WDR73: variants seen among roughly 807,000 people sequenced by gnomAD.
WDR73 encodes the protein WD repeat domain 73.
WDR73 carries 30 observed loss-of-function variants against 38.2 expected under a neutral mutation model. The ratio of observed to expected loss-of-function variants is 0.79; its 90% CI spans 0.59 to 1.06. The LOEUF is 1.06. Ranked by LOEUF, WDR73 falls within the 50% of genes least tolerant of loss-of-function variation. The pLI is 0.00. For missense variants in WDR73, 487 were observed against 467.0 expected (o/e 1.04, Z -0.40); for synonymous variants, 197 against 176.0 (o/e 1.12, Z -0.94).
At chr15:84,654,156 C>A in intron 1 of WDR73, 78 bp downstream of exon 1, 3 of 1,589,586 alleles carry the variant, frequency 1.9e-6, no homozygotes, top group Admixed American at 1.7e-5. Flanking sequence ...GGATCCCCAA[C>A]GTGCCTCCAC....
At chr15:84,650,355 TTTTCTTTTTC>T (rs893241435) in intron 3 of WDR73, among the ~76,000 whole-genome samples, 2 of 20,356 alleles carry the variant, frequency 9.8e-5, no homozygotes, top group African/African-American at 8.3e-4. Flanking sequence ...ACCCGGCTAA[TTTTCTTTTTC>T]TTTTTCTTTT....
chr15:84,652,242 C>T (rs949069225), intron 3 of WDR73, among the ~76,000 whole-genome samples: 1 of 152,130 alleles, frequency 6.6e-6, no homozygotes, highest in South Asian at 2.1e-4. Context: ...GTTCTCTTCT[C>T]TTGGCTTCAG....
At chr15:84,653,157 G>T (rs1452913312) in intron 2 of WDR73, 2 of 205,488 alleles carry the variant, frequency 9.7e-6, no homozygotes, top group Admixed American at 1.2e-4. Context: ...CAAGCAATCT[G>T]CCCGCTGCCT....
At chr15:84,653,516 G>T in intron 2 of WDR73, 116 bp downstream of exon 2, 3 of 704,294 alleles carry the variant, frequency 4.3e-6, no homozygotes, top group South Asian at 1.6e-5. Context: ...GCATCAAATT[G>T]CTACAAGTGA....
intron 6 of WDR73, 149 bp downstream of exon 6, chr15:84,646,035 G>A (rs1896445069): frequency 2.6e-6 from 4 of 1,543,710 alleles, no homozygotes; most frequent in Admixed American, 3.9e-5. Context: ...CCCAGCATAG[G>A]AGCCCTTAGA....
chr15:84,648,914 A>C (rs181533591), intron 3 of WDR73, among the ~76,000 whole-genome samples: 37 of 152,342 alleles, frequency 2.4e-4, no homozygotes, highest in African/African-American at 8.4e-4. Flanking sequence ...AGAGAAGCTT[A>C]ACAGCTTCAT....
At chr15:84,648,305 C>T (rs1012243979) in intron 4 of WDR73, 31 of 586,490 alleles carry the variant, frequency 5.3e-5, no homozygotes, top group African/African-American at 7.4e-5. Flanking sequence ...GGAGCAACTC[C>T]GGTAGAACTG....
chr15:84,651,744 T>C (rs1896631405), intron 3 of WDR73, among the ~76,000 whole-genome samples: 1 of 152,190 alleles, frequency 6.6e-6, no homozygotes, highest in Non-Finnish European at 1.5e-5. Context: ...CCTCCCTACA[T>C]TTCGTGACTC....
At chr15:84,649,788 T>G (rs1197502590) in intron 3 of WDR73, among the ~76,000 whole-genome samples, 2 of 152,040 alleles carry the variant, frequency 1.3e-5, no homozygotes, top group Non-Finnish European at 2.9e-5. Context: ...CTTTTTAAAT[T>G]TTGTGAAGAG....
intron 7 of WDR73, 120 bp from the exon 8 acceptor site, chr15:84,643,843 C>G (rs1896353884): frequency 1.6e-6 from 2 of 1,229,172 alleles, no homozygotes; most frequent in African/African-American, 3.1e-5. Context: ...TCTTGAACTC[C>G]TAGCCTCAAG....
chr15:84,649,317 C>G (rs1309359887), intron 3 of WDR73, among the ~76,000 whole-genome samples: 1 of 152,098 alleles, frequency 6.6e-6, no homozygotes, highest in Non-Finnish European at 1.5e-5. Flanking sequence ...TGGTGGTGAG[C>G]GGGGAGGTTA....
intron 2 of WDR73, 122 bp from the exon 3 acceptor site, chr15:84,652,924 G>A (rs1290587077): frequency 1.7e-6 from 1 of 581,894 alleles, no homozygotes; most frequent in Non-Finnish European, 3.0e-6. Context: ...TGAGTACCTG[G>A]TTGTGTCTTT....
chr15:84,645,382 T>A, intron 7 of WDR73, 89 bp downstream of exon 7: 1 of 1,570,342 alleles, frequency 6.4e-7, no homozygotes, highest in South Asian at 1.2e-5. Context: ...GCCAGGTTTA[T>A]CATGGTGCTG....
intron 7 of WDR73, chr15:84,643,992 A>C (rs1248583365): frequency 2.9e-6 from 1 of 350,134 alleles, no homozygotes; most frequent in African/African-American, 2.1e-5. Flanking sequence ...AACCACGGGC[A>C]AGTAGCATCT....
intron 6 of WDR73, 105 bp downstream of exon 6, chr15:84,646,079 C>G: frequency 2.5e-6 from 4 of 1,570,786 alleles, no homozygotes; most frequent in Non-Finnish European, 3.4e-6. Flanking sequence ...CTGTGTATCC[C>G]CAACACCTGG....
chr15:84,647,073 T>C (rs1896485670), intron 5 of WDR73: 1 of 152,304 alleles, frequency 6.6e-6, no homozygotes, highest in South Asian at 2.1e-4. Flanking sequence ...TTTTGTATTT[T>C]TAGTAGAGAC....
chr15:84,645,619 G>A lies in WDR73; in HGVS notation c.735C>T (p.Gly245=). 1 of 1,609,076 alleles carries A rather than the reference G, an allele frequency of 6.2e-7. No individual in the cohort carries two copies. Among genetic ancestry groups the A allele is most frequent in the Non-Finnish European group, 8.5e-7 (1 of 1,177,888 alleles). The part of the protein sequence containing the change: ...QGPGPSIASL[G]SDGRLCLLDP... ...CAAGAAGACAAAGACGCCCATCTGAGCCAAGGCTGGCAATGCTGGGCCCAG... is the reference window on the plus strand; with the variant it reads ...CAAGAAGACAAAGACGCCCATCTGAACCAAGGCTGGCAATGCTGGGCCCAG... Residue 245 remains glycine, a synonymous_variant, in exon 7 of 8, where the codon GGC becomes GGT. Transcript: ENST00000434634.
In WDR73 at chr15:84,653,709, AG is replaced by A. The variant is rs755038463; in HGVS notation, c.42-11del. On this transcript the variant is annotated splice_polypyrimidine_tract_variant and intron_variant, in intron 1 of 7. Transcript: ENST00000434634. ...ATAGAAATCCTGGTACCTGCACAAA[AG>A]GGACACAGAATCACACGATGCACAG... 9.5e-6 allele frequency: 15 copies of A among 1,581,048 alleles called. No homozygotes were observed. Among genetic ancestry groups the A allele is most frequent in the Non-Finnish European group, 1.3e-5 (15 of 1,161,980 alleles).
rs772421332 is a variant in WDR73, at chr15:84,645,644, G to A, written c.710C>T (p.Pro237Leu). 3.1e-6 allele frequency: 5 copies of A among 1,608,440 alleles called. No homozygotes were observed. In the South Asian group the frequency reaches 5.5e-5, roughly 18 times the overall value. ...GCCAAGGCTGGCAATGCTGGGCCCA[G>A]GGCCCTGGCCCCAGCTCCCAACTTC... is the stretch of plus-strand genomic sequence containing the variant. ...CAEVGSWGQG[P>L]GPSIASLGSD... The change falls in exon 7 of 8, where the codon CCT becomes CTT. Residue 237 changes from proline to leucine, a missense_variant. Pro to Leu is a moderately conservative substitution (Grantham distance 98). Coordinates refer to ENST00000434634, the MANE Select transcript of WDR73 (RefSeq NM_032856.5).
Sources: gnomAD v4.1 joint callset for allele counts (sites outside exome capture counted in the v4.1 genomes callset) on GRCh38, gnomAD v4.1.1 for gene constraint, MANE v1.5 for transcripts, NCBI Gene and HGNC (gene_info 2026-07-23, HGNC 2026-07-21) for gene names.